HS3ST2: variants seen among roughly 807,000 people sequenced by gnomAD.
The protein encoded by HS3ST2 is heparan sulfate-glucosamine 3-sulfotransferase 2, also known as heparan sulfate glucosamine 3-O-sulfotransferase 2.
A neutral mutation model predicts 26.3 loss-of-function variants in HS3ST2; 17 were observed. That is an observed-to-expected ratio of 0.65 (90% CI 0.44 to 0.97). HS3ST2 has a LOEUF of 0.97. Ranked by LOEUF, HS3ST2 falls within the 50% of genes least tolerant of loss-of-function variation. HS3ST2 has a pLI of 0.00. For synonymous variants in HS3ST2, 237 were observed against 219.2 expected (o/e 1.08, Z -0.72); for missense variants, 402 against 501.2 (o/e 0.80, Z 1.89).
In HS3ST2 at chr16:22,869,055, T is replaced by C. The variant is rs117609402; in HGVS notation, c.486-45889T>C. The stretch of plus-strand genomic sequence containing the variant: ...GTGGGACCTACAATGAAATTAGCAA[T>C]TTCCTAACAGGTACTAAACAAGCAG... On this transcript the variant is annotated intron_variant, in intron 1 of 1. Transcript: ENST00000261374. 5.4e-3 allele frequency among the ~76,000 whole-genome samples: 819 copies of C among 151,870 alleles called. 15 individuals are homozygous for C. Among genetic ancestry groups the C allele is most frequent in the East Asian group, 0.046 (236 of 5,124 alleles).
chr16:22,814,477 A>G lies in HS3ST2; in HGVS notation c.-134A>G. On this transcript the variant is annotated 5_prime_UTR_variant, in exon 1 of 2. Transcript: ENST00000261374. Reference sequence around the variant, plus strand: ...CCCTGGTCAGCAGCCCCCGGAGAAGACGGCGCCCCCAACGCCCGACCCGCG... The same window carrying G: ...CCCTGGTCAGCAGCCCCCGGAGAAGGCGGCGCCCCCAACGCCCGACCCGCG... The G allele has an allele frequency of 3.2e-6, 3 of 946,496 alleles. No individual in the cohort carries two copies. The highest frequency in any genetic ancestry group is 3.1e-5 in the East Asian group (1 of 32,480). The allele number at this position is 946,496 out of a possible 1,614,324, so 58.6% of individuals were successfully genotyped here. A position where few individuals can be genotyped will look rare whatever the true frequency, so the allele number is the denominator to read the frequency against.
chr16:22,824,058 T>C (rs1228714842), intron 1 of HS3ST2, among the ~76,000 whole-genome samples: 1 of 152,244 alleles, frequency 6.6e-6, no homozygotes, highest in Non-Finnish European at 1.5e-5. Flanking sequence ...GATTGTCACG[T>C]ATCTGTAGAC....
At chr16:22,910,051 A>G (rs1028409653) in intron 1 of HS3ST2, among the ~76,000 whole-genome samples, 16 of 151,682 alleles carry the variant, frequency 1.1e-4, no homozygotes, top group South Asian at 4.2e-4. Context: ...AAAAAAAAAA[A>G]AAAGAAAGAA....
intron 1 of HS3ST2, among the ~76,000 whole-genome samples, chr16:22,832,492 G>A (rs114699463): frequency 6.4e-4 from 97 of 151,860 alleles, no homozygotes; most frequent in African/African-American, 2.3e-3. Context: ...GGATGTGGGC[G>A]GTATTCAAGT....
chr16:22,909,870 T>C (rs1902401071), intron 1 of HS3ST2, among the ~76,000 whole-genome samples: 1 of 151,696 alleles, frequency 6.6e-6, no homozygotes, highest in East Asian at 1.9e-4. Context: ...TGAAACCCTG[T>C]CTACTAAATA....
At chr16:22,828,351 G>T (rs1901120567) in intron 1 of HS3ST2, among the ~76,000 whole-genome samples, 1 of 152,178 alleles carries the variant, frequency 6.6e-6, no homozygotes, top group African/African-American at 2.4e-5. Context: ...CCACCCTGCT[G>T]CTCATTCTTG....
intron 1 of HS3ST2, among the ~76,000 whole-genome samples, chr16:22,905,412 T>C (rs1481987902): frequency 6.6e-6 from 1 of 152,026 alleles, no homozygotes; most frequent in East Asian, 1.9e-4. Context: ...ACTTGGGTGT[T>C]TTTTTGTGTT....
At chr16:22,843,628 G>A (rs374173953) in intron 1 of HS3ST2, among the ~76,000 whole-genome samples, 6 of 152,324 alleles carry the variant, frequency 3.9e-5, no homozygotes, top group South Asian at 4.1e-4. Context: ...GAAGGGTCCC[G>A]AGTGGATGAG....
At chr16:22,907,860 G>A (rs1902375159) in intron 1 of HS3ST2, among the ~76,000 whole-genome samples, 1 of 152,148 alleles carries the variant, frequency 6.6e-6, no homozygotes, top group African/African-American at 2.4e-5. Context: ...AAGTGGGCCC[G>A]GCTGCAGTGG....
chr16:22,837,590 CGG>C (rs1901285173), intron 1 of HS3ST2, among the ~76,000 whole-genome samples: 1 of 145,102 alleles, frequency 6.9e-6, no homozygotes, highest in Non-Finnish European at 1.5e-5. Context: ...CACACACACA[CGG>C]ACATATATAT....
intron 1 of HS3ST2, among the ~76,000 whole-genome samples, chr16:22,881,708 A>G (rs1901993068): frequency 6.6e-6 from 1 of 152,206 alleles, no homozygotes; most frequent in Non-Finnish European, 1.5e-5. Flanking sequence ...TCTTCACAGC[A>G]TCTAAGAGAC....
intron 1 of HS3ST2, among the ~76,000 whole-genome samples, chr16:22,818,121 C>T (rs1232245670): frequency 6.6e-6 from 1 of 152,194 alleles, no homozygotes; most frequent in Admixed American, 6.5e-5. Flanking sequence ...CTTACCTCAA[C>T]TATGTGTCTG....
Position 22,814,809 on chromosome 16 carries a change from C to T in HS3ST2, c.199C>T (p.Leu67Phe), listed in dbSNP as rs1200164547. 1.9e-6 allele frequency: 3 copies of T among 1,584,500 alleles called. No homozygotes were observed. The highest frequency in any genetic ancestry group is 1.3e-5 in the African/African-American group (1 of 74,436). Residue 67 changes from leucine to phenylalanine, a missense_variant, in exon 1 of 2, where the codon CTC becomes TTC. Coordinates refer to ENST00000261374, the MANE Select transcript of HS3ST2 (RefSeq NM_006043.2). ...RGPSAGGQKLLQKSRPCDPSG... is the reference protein window; with the variant it reads ...RGPSAGGQKLFQKSRPCDPSG... Reference sequence around the variant, plus strand: ...CCCCAGCGCGGGCGGCCAGAAACTTCTCCAGAAGTCCCGCCCCTGTGATCC... The same window carrying T: ...CCCCAGCGCGGGCGGCCAGAAACTTTTCCAGAAGTCCCGCCCCTGTGATCC...
chr16:22,910,059 GA>G (rs1902406730), intron 1 of HS3ST2, among the ~76,000 whole-genome samples: 2 of 135,310 alleles, frequency 1.5e-5, no homozygotes, highest in African/African-American at 2.7e-5. Flanking sequence ...AAAAAAGAAA[GA>G]AAAGAAAAGG....
At chr16:22,889,883 A>G (rs2141200320) in intron 1 of HS3ST2, among the ~76,000 whole-genome samples, 1 of 152,312 alleles carries the variant, frequency 6.6e-6, no homozygotes, top group African/African-American at 2.4e-5. Context: ...ATTTCCTGGA[A>G]ATAACAGACT....
rs182148837 is a variant in HS3ST2 at position 22,886,027 on chromosome 16, C to T, written c.486-28917C>T. On this transcript the variant is annotated intron_variant, in intron 1 of 1. Transcript: ENST00000261374. ...ACCCTAAGACTGAGAGCTAAATGTA[C>T]GTGGCTTACATGGGATGCCGTTAAC... 1.2e-4 allele frequency among the ~76,000 whole-genome samples: 18 copies of T among 152,246 alleles called. No individual in the cohort carries two copies. In the South Asian group the frequency reaches 1.7e-3, roughly 14 times the overall value.
intron 1 of HS3ST2, among the ~76,000 whole-genome samples, chr16:22,845,634 A>G (rs1168965767): frequency 2.6e-5 from 4 of 152,116 alleles, no homozygotes; most frequent in African/African-American, 4.8e-5. Flanking sequence ...TACAAGCGTG[A>G]GCCATGCGCC....
chr16:22,861,991 T>A (rs895526318), intron 1 of HS3ST2, among the ~76,000 whole-genome samples: 5 of 152,224 alleles, frequency 3.3e-5, no homozygotes, highest in African/African-American at 4.8e-5. Flanking sequence ...ATGTTTTTCA[T>A]AAAGAAAAGT....
chr16:22,828,111 G>C (rs1901116623), intron 1 of HS3ST2, among the ~76,000 whole-genome samples: 1 of 152,070 alleles, frequency 6.6e-6, no homozygotes, highest in Admixed American at 6.6e-5. Context: ...GGCTTGACTG[G>C]TCCTGTCTAT....
Sources: gnomAD v4.1 joint callset for allele counts (sites outside exome capture counted in the v4.1 genomes callset) on GRCh38, gnomAD v4.1.1 for gene constraint, MANE v1.5 for transcripts, NCBI Gene and HGNC (gene_info 2026-07-23, HGNC 2026-07-21) for gene names.